ZMYM2: variants seen among roughly 807,000 people sequenced by gnomAD.
The protein encoded by ZMYM2 is zinc finger MYM-type containing 2.
In ZMYM2, 56 loss-of-function variants were observed where a neutral mutation model predicts 162.8. That is an observed-to-expected ratio of 0.34 (90% CI 0.28 to 0.43). The LOEUF (loss-of-function observed/expected upper bound fraction) is 0.43, where lower values mean the gene tolerates loss of function less well. Ranked by LOEUF, ZMYM2 falls within the 20% of genes least tolerant of loss-of-function variation. ZMYM2 has a pLI of 1.00. For missense variants in ZMYM2, 1,275 were observed against 1,621.8 expected (o/e 0.79, Z 3.67); for synonymous variants, 510 against 541.6 (o/e 0.94, Z 0.81).
chr13:19,931,133 T>C, the ZMYM2 span, among the ~76,000 whole-genome samples: 252 of 133,182 alleles, frequency 1.9e-3, 2 homozygotes, highest in Middle Eastern at 8.1e-3. Flanking sequence ...AGCGAGACTC[T>C]CTCTCAAAAA....
the ZMYM2 span, among the ~76,000 whole-genome samples, chr13:19,916,278 T>G: frequency 6.6e-6 from 1 of 152,112 alleles, no homozygotes; most frequent in Non-Finnish European, 1.5e-5. Context: ...TGTAAATTAG[T>G]TCAACCATTG....
At chr13:19,918,581 C>G in the ZMYM2 span, among the ~76,000 whole-genome samples, 1 of 145,434 alleles carries the variant, frequency 6.9e-6, no homozygotes, top group Admixed American at 7.2e-5. Flanking sequence ...TCACTGCAAC[C>G]TCTGCCACCC....
chr13:19,982,250 A>G (rs542240694), intron 2 of ZMYM2, among the ~76,000 whole-genome samples: 2 of 147,410 alleles, frequency 1.4e-5, no homozygotes, highest in Non-Finnish European at 3.0e-5. Flanking sequence ...ATTGCTTTTC[A>G]GTAGTTTTCA....
the ZMYM2 span, among the ~76,000 whole-genome samples, chr13:19,885,650 G>A: frequency 5.9e-5 from 9 of 151,902 alleles, no homozygotes; most frequent in Non-Finnish European, 1.3e-4. Context: ...AAGAGTCCTG[G>A]TCAACATGGT....
At chr13:19,897,320 C>T in the ZMYM2 span, among the ~76,000 whole-genome samples, 1 of 152,108 alleles carries the variant, frequency 6.6e-6, no homozygotes, top group African/African-American at 2.4e-5. Context: ...CTTTAATTTA[C>T]ACCCACTTCT....
the ZMYM2 span, among the ~76,000 whole-genome samples, chr13:19,922,146 C>T: frequency 6.6e-6 from 1 of 152,034 alleles, no homozygotes; most frequent in African/African-American, 2.4e-5. Flanking sequence ...AACTCCTGAC[C>T]TCAGGTGATC....
At chr13:20,054,936 TA>T (rs1955667404) in intron 14 of ZMYM2, among the ~76,000 whole-genome samples, 1 of 152,022 alleles carries the variant, frequency 6.6e-6, no homozygotes, top group African/African-American at 2.4e-5. Flanking sequence ...TGGCTTTAAG[TA>T]TAGTTGACCC....
chr13:20,050,556 G>T (rs1258432208), intron 12 of ZMYM2, among the ~76,000 whole-genome samples: 1 of 151,858 alleles, frequency 6.6e-6, no homozygotes, highest in Non-Finnish European at 1.5e-5. Context: ...ATTATGAAAA[G>T]AACTGTATTT....
At chr13:19,983,339 T>C (rs1162337959) in intron 2 of ZMYM2, among the ~76,000 whole-genome samples, 1 of 151,950 alleles carries the variant, frequency 6.6e-6, no homozygotes. Flanking sequence ...AGAGATGGGG[T>C]TTTGCCGTGT....
intron 8 of ZMYM2, 35 bp from the exon 9 acceptor site, chr13:20,027,167 TA>T: frequency 2.7e-6 from 4 of 1,465,888 alleles, no homozygotes; most frequent in Non-Finnish European, 3.6e-6. Context: ...TTTATTACTT[TA>T]TAAACAAATC....
At chr13:19,952,350 A>C in the ZMYM2 span, among the ~76,000 whole-genome samples, 1 of 152,144 alleles carries the variant, frequency 6.6e-6, no homozygotes. Context: ...GTTTAAAATC[A>C]ATAACAGTAT....
At chr13:19,948,485 A>G in the ZMYM2 span, among the ~76,000 whole-genome samples, 1 of 152,228 alleles carries the variant, frequency 6.6e-6, no homozygotes, top group Non-Finnish European at 1.5e-5. Context: ...GCATATTGCT[A>G]AGGGAAATAA....
Position 19,993,145 on chromosome 13 carries a change from G to A in ZMYM2, c.73G>A (p.Ala25Thr), listed in dbSNP as rs764188081. The change falls in exon 3 of 25, where the codon GCA (alanine) becomes ACA (threonine). Residue 25 changes from alanine (A) to threonine (T), a missense_variant. Physicochemically the swap from Ala to Thr is moderately conservative, Grantham distance 58 (BLOSUM62 0). Coordinates refer to ENST00000610343, the MANE Select transcript of ZMYM2 (RefSeq NM_197968.4). ...TPVLLGSTAMATSLTNVGNSF... is the reference protein window; with the variant it reads ...TPVLLGSTAMTTSLTNVGNSF... ...TGTTTTATTAGGGAGTACGGCCATG[G>A]CAACTAGTCTCACGAATGTAGGAAA... 2.5e-6 allele frequency: 4 copies of A among 1,614,042 alleles called. No individual in the cohort carries two copies. In the South Asian group the frequency reaches 4.4e-5, roughly 18 times the overall value.
chr13:19,901,776 A>C, the ZMYM2 span, among the ~76,000 whole-genome samples: 1 of 151,920 alleles, frequency 6.6e-6, no homozygotes, highest in Non-Finnish European at 1.5e-5. Context: ...CGCCTGGCCC[A>C]ACTTTTTTTA....
chr13:19,889,119 A>G, the ZMYM2 span, among the ~76,000 whole-genome samples: 2 of 151,806 alleles, frequency 1.3e-5, no homozygotes, highest in Non-Finnish European at 2.9e-5. Flanking sequence ...TTGTTCAAAA[A>G]CTACTTAAAT....
At chr13:20,048,997 G>T (rs1456326942) in intron 12 of ZMYM2, among the ~76,000 whole-genome samples, 2 of 151,904 alleles carry the variant, frequency 1.3e-5, no homozygotes, top group African/African-American at 4.8e-5. Context: ...AGTTGTGTTG[G>T]TGTTGGTAAG....
At chr13:19,921,613 T>A in the ZMYM2 span, among the ~76,000 whole-genome samples, 5 of 152,180 alleles carry the variant, frequency 3.3e-5, no homozygotes, top group Admixed American at 3.3e-4. Context: ...AAAATATGTA[T>A]ACACTTATTT....
chr13:19,904,435 G>A, the ZMYM2 span, among the ~76,000 whole-genome samples: 2 of 152,048 alleles, frequency 1.3e-5, no homozygotes, highest in Non-Finnish European at 2.9e-5. Context: ...GCAGGCACCT[G>A]TAATTCCAGC....
intron 12 of ZMYM2, among the ~76,000 whole-genome samples, chr13:20,043,501 C>CTGGTGG (rs35874928): frequency 1.3e-5 from 2 of 151,934 alleles, no homozygotes; most frequent in African/African-American, 2.4e-5. Context: ...TGTGGTTGCA[C>CTGGTGG]TGGTGGTGGT....
Sources: allele counts gnomAD v4.1 joint callset (sites outside exome capture counted in the v4.1 genomes callset), GRCh38; gene constraint gnomAD v4.1.1; transcripts MANE v1.5; gene names NCBI Gene and HGNC (gene_info 2026-07-23, HGNC 2026-07-21).